NCAM2: variants seen among roughly 807,000 people sequenced by gnomAD.
NCAM2 encodes N-CAM-2.
NCAM2 carries 30 observed loss-of-function variants against 98.1 expected under a neutral mutation model. The ratio of observed to expected loss-of-function variants is 0.31; its 90% CI spans 0.23 to 0.41. NCAM2 has a LOEUF of 0.41. NCAM2 is among the 10% of genes least tolerant of loss of function. NCAM2 has a pLI of 1.00. For missense variants in NCAM2, 867 were observed against 1,005.8 expected, an observed-to-expected ratio of 0.86 and a Z score of 1.87; for synonymous variants, 368 against 342.4, an observed-to-expected ratio of 1.07 and a Z score of -0.83.
intron 5 of NCAM2, among the ~76,000 whole-genome samples, chr21:21,299,140 G>A (rs958711521): frequency 6.6e-6 from 1 of 151,608 alleles, no homozygotes; most frequent in Non-Finnish European, 1.5e-5. Flanking sequence ...TTGTGGAGAT[G>A]AATGGCATTC....
intron 1 of NCAM2, among the ~76,000 whole-genome samples, chr21:21,142,655 A>C (rs1444459393): frequency 6.6e-6 from 1 of 152,168 alleles, no homozygotes; most frequent in African/African-American, 2.4e-5. Flanking sequence ...CTGGGATTAC[A>C]GGCGTGAGCC....
chr21:21,504,729 A>C (rs939202607), intron 15 of NCAM2, among the ~76,000 whole-genome samples: 1 of 151,720 alleles, frequency 6.6e-6, no homozygotes, highest in Non-Finnish European at 1.5e-5. Flanking sequence ...TATATATAAT[A>C]TGTATATACA....
chr21:21,368,859 A>G (rs2075847792), intron 8 of NCAM2, among the ~76,000 whole-genome samples: 1 of 151,774 alleles, frequency 6.6e-6, no homozygotes. Flanking sequence ...ATCTTTTTAA[A>G]TCACAAGTGC....
rs563746009 is a variant in NCAM2, at chr21:21,511,219, TTCTG to T, written c.2282+2168_2282+2171del. 7.2e-5 allele frequency among the ~76,000 whole-genome samples: 11 copies of T among 152,080 alleles called. No individual in the cohort carries two copies. The East Asian group carries it at 1.9e-3, about 27-fold the overall frequency. On this transcript the variant is annotated intron_variant, in intron 16 of 17. Transcript: ENST00000400546. ...GACACCAAATACTGAATCCTATTCA[TTCTG>T]TCTAACTGTATTTTCATACCCATTA...
intron 1 of NCAM2, among the ~76,000 whole-genome samples, chr21:21,199,760 T>C (rs568087807): frequency 6.6e-6 from 1 of 152,276 alleles, no homozygotes; most frequent in Non-Finnish European, 1.5e-5. Context: ...TGTAAAAACT[T>C]TATTAATGGA....
At chr21:21,112,877 C>G (rs183310189) in intron 1 of NCAM2, among the ~76,000 whole-genome samples, 1 of 152,300 alleles carries the variant, frequency 6.6e-6, no homozygotes, top group East Asian at 1.9e-4. Context: ...TAAACTACTT[C>G]CATGCAGCAC....
chr21:21,292,329 A>C, intron 5 of NCAM2, 88 bp downstream of exon 5: 1 of 1,301,560 alleles, frequency 7.7e-7, no homozygotes, highest in Non-Finnish European at 1.1e-6. Context: ...TCAAAATACA[A>C]GTCTTATCTA....
In NCAM2 at chr21:21,282,093, A is replaced by G. The variant is rs568362550; in HGVS notation, c.130+1441A>G. On this transcript the variant is annotated intron_variant, in intron 2 of 17. Transcript: ENST00000400546. ...GTGTGGAAGAGATTGATTCAGCATC[A>G]TATATTATGTCAGCAGAAATTTGAC... is the stretch of plus-strand genomic sequence containing the variant. 6.4e-4 allele frequency among the ~76,000 whole-genome samples: 97 copies of G among 152,006 alleles called. 2 individuals are homozygous for G. The South Asian group carries it at 0.019, about 31-fold the overall frequency.
intron 1 of NCAM2, among the ~76,000 whole-genome samples, chr21:21,156,579 T>TATAGATAG (rs10654392): frequency 0.16 from 23,961 of 148,616 alleles, 2,017 homozygotes; most frequent in Non-Finnish European, 0.19. Context: ...ATAGATAGAT[T>TATAGATAG]ATAGATAGAT....
At chr21:21,476,515 A>G (rs1036147164) in intron 14 of NCAM2, among the ~76,000 whole-genome samples, 2 of 152,070 alleles carry the variant, frequency 1.3e-5, no homozygotes, top group Admixed American at 1.3e-4. Flanking sequence ...AATACATGGC[A>G]CAACCCAATA....
chr21:21,250,278 A>G (rs1485024706), intron 1 of NCAM2, among the ~76,000 whole-genome samples: 3 of 152,208 alleles, frequency 2.0e-5, no homozygotes, highest in South Asian at 2.1e-4. Context: ...TACAAGCACT[A>G]TGGTCCTTCT....
chr21:21,230,613 C>G (rs2070583419), intron 1 of NCAM2, among the ~76,000 whole-genome samples: 1 of 151,268 alleles, frequency 6.6e-6, no homozygotes, highest in Admixed American at 6.6e-5. Context: ...TCAAGTCTGT[C>G]TCATTCATAT....
intron 6 of NCAM2, among the ~76,000 whole-genome samples, chr21:21,328,773 A>G (rs1682205360): frequency 6.6e-6 from 1 of 152,016 alleles, no homozygotes; most frequent in African/African-American, 2.4e-5. Flanking sequence ...TTATTATTGA[A>G]GAAAGAAAAT....
intron 9 of NCAM2, among the ~76,000 whole-genome samples, chr21:21,406,101 A>T (rs1313225033): frequency 6.6e-6 from 1 of 152,154 alleles, no homozygotes; most frequent in Non-Finnish European, 1.5e-5. Context: ...AACAGAAATT[A>T]TTCCGAGACC....
rs1990177685 is a variant in NCAM2, at chr21:21,540,264, TAC to T, written c.*2311_*2312del. ...AATTGACATATATTTCATATATATA[TAC>T]ACATATATATATATACACATATATA... On this transcript the variant is annotated 3_prime_UTR_variant, in exon 18 of 18. Coordinates refer to ENST00000400546, the MANE Select transcript of NCAM2 (RefSeq NM_004540.5). 7.7e-6 allele frequency: 1 copy of T among 130,714 alleles called. No individual in the cohort carries two copies. The highest frequency in any genetic ancestry group is 1.7e-5 in the Non-Finnish European group (1 of 59,848). 8.1% of individuals were successfully genotyped at this position (130,714 alleles called of 1,614,324 possible).
At chr21:21,123,713 T>C (rs993750722) in intron 1 of NCAM2, among the ~76,000 whole-genome samples, 2 of 152,116 alleles carry the variant, frequency 1.3e-5, no homozygotes, top group Non-Finnish European at 2.9e-5. Flanking sequence ...GTAATATAAA[T>C]TAGGTATTTA....
chr21:21,434,141 A>C (rs2077415973), intron 12 of NCAM2, among the ~76,000 whole-genome samples: 1 of 152,212 alleles, frequency 6.6e-6, no homozygotes, highest in South Asian at 2.1e-4. Context: ...TATGTTTATA[A>C]AACTGAAATA....
chr21:21,499,389 G>C (rs552983466), intron 15 of NCAM2, among the ~76,000 whole-genome samples: 1 of 151,990 alleles, frequency 6.6e-6, no homozygotes, highest in Non-Finnish European at 1.5e-5. Flanking sequence ...CTACAGGCGC[G>C]TGCCACCACG....
At chr21:21,250,507 T>A (rs768770113) in intron 1 of NCAM2, among the ~76,000 whole-genome samples, 1 of 152,176 alleles carries the variant, frequency 6.6e-6, no homozygotes, top group African/African-American at 2.4e-5. Context: ...ATTATAAATA[T>A]ATGCAACACA....
Sources: allele counts gnomAD v4.1 joint callset (sites outside exome capture counted in the v4.1 genomes callset), GRCh38; gene constraint gnomAD v4.1.1; transcripts MANE v1.5; gene names NCBI Gene and HGNC (gene_info 2026-07-23, HGNC 2026-07-21).